GGT7: variants seen among roughly 807,000 people sequenced by gnomAD.
The protein encoded by GGT7 is gamma-glutamyltransferase 7.
In GGT7, 30 loss-of-function variants were observed where a neutral mutation model predicts 69.2. The observed-to-expected ratio is 0.43, with a 90% CI of 0.32 to 0.59. GGT7 has a LOEUF of 0.59. Among genes scored for constraint, GGT7 ranks in the 20% least tolerant of loss-of-function variants. The pLI is 0.05. For missense variants in GGT7, 733 were observed against 901.1 expected (o/e 0.81, Z 2.39); for synonymous variants, 388 against 391.8 (o/e 0.99, Z 0.12).
At chr20:34,847,967 C>T (rs1335768818) in intron 14 of GGT7, among the ~76,000 whole-genome samples, 3 of 152,058 alleles carry the variant, frequency 2.0e-5, no homozygotes, top group African/African-American at 7.2e-5. Context: ...GGCATGTGCA[C>T]CTGTATTCTC....
intron 12 of GGT7, 112 bp from the exon 13 acceptor site, chr20:34,851,480 CCAGTT>C: frequency 9.0e-7 from 1 of 1,113,570 alleles, no homozygotes; most frequent in South Asian, 1.5e-5. Flanking sequence ...TTCCACAGGC[CCAGTT>C]TTCCTGGGAG....
At chr20:34,846,434 G>C (rs889370926) in intron 14 of GGT7, among the ~76,000 whole-genome samples, 1 of 151,922 alleles carries the variant, frequency 6.6e-6, no homozygotes, top group Non-Finnish European at 1.5e-5. Flanking sequence ...CTCCCCAGTA[G>C]CTGGGATAAC....
chr20:34,856,588 AC>A (rs34930184), intron 8 of GGT7, among the ~76,000 whole-genome samples: 5 of 151,902 alleles, frequency 3.3e-5, no homozygotes, highest in Non-Finnish European at 7.4e-5. Flanking sequence ...GACCAGGTCC[AC>A]CCCCCAATAT....
chr20:34,853,822 A>AG (rs1454387706), intron 10 of GGT7, among the ~76,000 whole-genome samples: 2 of 152,194 alleles, frequency 1.3e-5, no homozygotes, highest in Non-Finnish European at 2.9e-5. Flanking sequence ...CAGCTAGCGA[A>AG]GGGTCAAGCT....
In GGT7 at chr20:34,872,723, G is replaced by C. The variant is rs2079801438; in HGVS notation, c.93C>G (p.Pro31=). Residue 31 remains proline, a synonymous_variant, in exon 1 of 15, where the codon CCC becomes CCG. Transcript: ENST00000336431. ...GGGCCGCGGGCGCCGGCTCGTCCTC[G>C]GGCAGCCGCGGGAAGCTGGTGATGC... ...YMSITSFPRL[P]EDEPAPAAPL... is the part of the protein sequence containing the mutation. 4.7e-6 allele frequency: 7 copies of C among 1,492,658 alleles called. No homozygotes were observed. Among genetic ancestry groups the C allele is most frequent in the Non-Finnish European group, 6.2e-6 (7 of 1,124,114 alleles). 92.5% of individuals were successfully genotyped at this position (1,492,658 alleles called of 1,614,324 possible).
At chr20:34,861,697 TC>T in intron 3 of GGT7, 135 bp from the exon 4 acceptor site, 1 of 485,876 alleles carries the variant, frequency 2.1e-6, no homozygotes. Flanking sequence ...CTGAGCTCCC[TC>T]CCCAGCATGG....
chr20:34,863,209 C>CT lies in GGT7; in HGVS notation c.405+103dup, dbSNP rs1362689746. On this transcript the variant is annotated intron_variant, in intron 2 of 14. Transcript: ENST00000336431. This position sits in a 1 kb window ranked among gnomAD's most constrained non-coding sequence, Gnocchi z 4.4. ...TTCCTCTCCCAAGTCACCACCCTCT[C>CT]TCCCCTTCTACCACTCAGCCATTCC... The CT allele has an allele frequency of 1.1e-6, 1 of 927,658 alleles. No individual in the cohort carries two copies. The highest frequency in any genetic ancestry group is 1.7e-6 in the Non-Finnish European group (1 of 601,342). 57.5% of individuals were successfully genotyped at this position (927,658 alleles called of 1,614,324 possible). A position where few individuals can be genotyped will look rare whatever the true frequency, so the allele number is the denominator to read the frequency against.
chr20:34,848,302 T>C (rs560102183), intron 14 of GGT7, among the ~76,000 whole-genome samples: 1 of 152,288 alleles, frequency 6.6e-6, no homozygotes, highest in East Asian at 1.9e-4. Context: ...CTGTCCAGAA[T>C]GTCCTTTACC....
intron 10 of GGT7, among the ~76,000 whole-genome samples, chr20:34,853,045 G>A (rs1388989589): frequency 6.6e-6 from 1 of 151,944 alleles, no homozygotes; most frequent in Non-Finnish European, 1.5e-5. Context: ...TGCCTCCCAG[G>A]TTCAAGTGAT....
At chr20:34,866,846 G>T (rs2079698708) in intron 1 of GGT7, among the ~76,000 whole-genome samples, 1 of 152,120 alleles carries the variant, frequency 6.6e-6, no homozygotes, top group Non-Finnish European at 1.5e-5. Flanking sequence ...CTCCCAAAGT[G>T]TTGGGATTAC....
chr20:34,865,309 C>T (rs2079672093), intron 1 of GGT7, among the ~76,000 whole-genome samples: 1 of 152,164 alleles, frequency 6.6e-6, no homozygotes, highest in Non-Finnish European at 1.5e-5. Flanking sequence ...CTCAGCTCAG[C>T]TTCCTGAGTA....
At position 34,845,231 on chromosome 20, in the gene GGT7, G is replaced by A; in HGVS notation, c.*97C>T. On this transcript the variant is annotated 3_prime_UTR_variant, in exon 15 of 15. Transcript: ENST00000336431. ...CATCCCCTCTGGCCCCTGATCTGGG[G>A]CATCCCTGGGGTCCCCCTGAGACCA... 1 of 1,156,806 alleles carries A rather than the reference G, an allele frequency of 8.6e-7. No individual in the cohort carries two copies. The highest frequency in any genetic ancestry group is 1.2e-6 in the Non-Finnish European group (1 of 828,580). The allele number at this position is 1,156,806 out of a possible 1,614,324, so 71.7% of individuals were successfully genotyped here.
At chr20:34,861,390 G>T in intron 4 of GGT7, 55 bp downstream of exon 4, 1 of 794,200 alleles carries the variant, frequency 1.3e-6, no homozygotes, top group Non-Finnish European at 2.0e-6. Context: ...TGGGTTAGCA[G>T]AAGGGCAATG....
chr20:34,852,071 G>T, intron 12 of GGT7, 84 bp downstream of exon 12: 1 of 851,810 alleles, frequency 1.2e-6, no homozygotes, highest in Non-Finnish European at 2.1e-6. Flanking sequence ...TCTGGAGAAA[G>T]TAGGGAGAAA....
intron 3 of GGT7, 34 bp downstream of exon 3, chr20:34,862,779 AG>A: frequency 6.2e-7 from 1 of 1,611,044 alleles, no homozygotes; most frequent in Non-Finnish European, 8.5e-7. Context: ...GGCAAGAAGT[AG>A]GCCTGGGGGA....
Position 34,861,488 on chromosome 20 carries a change from C to G in GGT7, c.632G>C (p.Gly211Ala). 6.4e-7 allele frequency: 1 copy of G among 1,553,274 alleles called. No homozygotes were observed. The highest frequency in any genetic ancestry group is 1.2e-5 in the South Asian group (1 of 84,382). ...TTGCAGGGTCTCTTCCCTGAGGGCC[C>G]CTGGTGCGGACTCCCGGAAATCAAT... is the stretch of plus-strand genomic sequence containing the variant. ...HLIDFRESAP[G>A]ALREETLQRS... Residue 211 changes from glycine to alanine, a missense_variant, in exon 4 of 15, where the codon GGG becomes GCG. Gly to Ala is a moderately conservative substitution (Grantham distance 60). Coordinates refer to ENST00000336431, the MANE Select transcript of GGT7 (RefSeq NM_178026.3).
chr20:34,859,673 G>T (rs762963087), intron 6 of GGT7, 34 bp from the exon 7 acceptor site: 1 of 1,520,240 alleles, frequency 6.6e-7, no homozygotes, highest in Admixed American at 1.9e-5. Flanking sequence ...GGCAGGGCGG[G>T]ACGCCAGGAC....
At chr20:34,872,419 T>A in intron 1 of GGT7, 1 of 389,122 alleles carries the variant, frequency 2.6e-6, no homozygotes, top group Non-Finnish European at 4.6e-6. Flanking sequence ...CCCAATCCCT[T>A]CTACTGCAGT....
intron 6 of GGT7, 62 bp from the exon 7 acceptor site, chr20:34,859,701 G>T (rs879330360): frequency 2.2e-5 from 29 of 1,342,756 alleles, no homozygotes; most frequent in Non-Finnish European, 2.7e-5. Context: ...GATGAGACGC[G>T]CAATAGATGG....
Sources: allele counts gnomAD v4.1 joint callset (sites outside exome capture counted in the v4.1 genomes callset), GRCh38; gene constraint gnomAD v4.1.1; non-coding constraint Gnocchi (gnomAD v3.1); transcripts MANE v1.5; gene names NCBI Gene and HGNC (gene_info 2026-07-23, HGNC 2026-07-21).